Variants in CSMD2 observed in about 807,000 individuals in gnomAD.
CSMD2 encodes the protein CUB and sushi domain-containing protein 2.
In CSMD2, 130 loss-of-function variants were observed where a neutral mutation model predicts 398.5. That is an observed-to-expected ratio of 0.33 (90% CI 0.28 to 0.38). The LOEUF (loss-of-function observed/expected upper bound fraction) is 0.38, where lower values mean the gene tolerates loss of function less well. Among genes scored for constraint, CSMD2 ranks in the 10% least tolerant of loss-of-function variants. The pLI is 1.00. For missense variants in CSMD2, 3,829 were observed against 4,764.9 expected (o/e 0.80, Z 5.78); for synonymous variants, 1,828 against 1,908.5 (o/e 0.96, Z 1.10).
At chr1:33,958,423 A>G (rs184835749) in intron 3 of CSMD2, among the ~76,000 whole-genome samples, 169 of 152,194 alleles carry the variant, frequency 1.1e-3, no homozygotes, top group African/African-American at 3.7e-3. Context: ...TGTGAATAGG[A>G]CCCGTAGAGA....
chr1:33,548,018 T>A (rs1288118516), intron 56 of CSMD2, among the ~76,000 whole-genome samples: 1 of 152,164 alleles, frequency 6.6e-6, no homozygotes, highest in African/African-American at 2.4e-5. Flanking sequence ...TCTCATGAGA[T>A]CTGGTTGTTT....
At chr1:33,827,342 T>C (rs1163587207) in intron 6 of CSMD2, among the ~76,000 whole-genome samples, 1 of 152,238 alleles carries the variant, frequency 6.6e-6, no homozygotes, top group Non-Finnish European at 1.5e-5. Context: ...TCGATTGCTC[T>C]TCTCCAGCCT....
intron 41 of CSMD2, among the ~76,000 whole-genome samples, chr1:33,608,603 A>C (rs1640787187): frequency 6.6e-6 from 1 of 152,238 alleles, no homozygotes; most frequent in Non-Finnish European, 1.5e-5. Flanking sequence ...GCTCTGATCC[A>C]ATATGACTGG....
intron 3 of CSMD2, among the ~76,000 whole-genome samples, chr1:33,991,378 C>A (rs2147997468): frequency 6.6e-6 from 1 of 152,290 alleles, no homozygotes; most frequent in Admixed American, 6.5e-5. Flanking sequence ...GTCCTTGAAT[C>A]TTTAGGGTTC....
At chr1:33,752,065 T>C (rs1372679770) in intron 13 of CSMD2, among the ~76,000 whole-genome samples, 1 of 152,218 alleles carries the variant, frequency 6.6e-6, no homozygotes, top group Non-Finnish European at 1.5e-5. Context: ...ATAAGATTCA[T>C]GAAAAGGTGA....
In CSMD2 at chr1:33,519,560, G is replaced by T. The variant is rs377399157; in HGVS notation, c.10854C>A (p.Ser3618Arg). The change falls in exon 70 of 71, where the codon AGC (serine) becomes AGA (arginine). Residue 3618 changes from serine (S) to arginine (R), a missense_variant. Physicochemically the swap from Ser to Arg is moderately radical, Grantham distance 110. Coordinates refer to ENST00000373381, the MANE Select transcript of CSMD2 (RefSeq NM_001281956.2). The surrounding 1 kb of genome is among the most constrained non-coding windows in gnomAD (Gnocchi z 5.6). ...RNIQPTDIMA[S>R]EAEFTVSTVC... Reference sequence around the variant, plus strand: ...CTGTGCTGACTGTGAACTCCGCCTCGCTGGCCATGATGTCTGTGGGCTGGA... The same window carrying T: ...CTGTGCTGACTGTGAACTCCGCCTCTCTGGCCATGATGTCTGTGGGCTGGA... 6.2e-7 allele frequency: 1 copy of T among 1,614,070 alleles called. No homozygotes were observed. The highest frequency in any genetic ancestry group is 1.1e-5 in the South Asian group (1 of 91,062).
At chr1:33,621,377 C>T (rs1641758404) in intron 37 of CSMD2, among the ~76,000 whole-genome samples, 1 of 152,200 alleles carries the variant, frequency 6.6e-6, no homozygotes, top group Admixed American at 6.5e-5. Context: ...CCATCTAGAG[C>T]CATCCATGAG....
At chr1:33,626,423 C>G in intron 33 of CSMD2, 63 bp downstream of exon 33, 2 of 1,204,480 alleles carry the variant, frequency 1.7e-6, no homozygotes, top group South Asian at 3.0e-5. Context: ...CCTGTCCCTT[C>G]GATCACGAGT....
In CSMD2 at chr1:33,803,099, G is replaced by A. The variant is rs533043004; in HGVS notation, c.1446+7644C>T. Among the ~76,000 whole-genome samples, 7 of 152,162 alleles carry A rather than the reference G, an allele frequency of 4.6e-5. No homozygotes were observed. In the East Asian group the frequency reaches 7.7e-4, roughly 17 times the overall value. On this transcript the variant is annotated intron_variant, in intron 10 of 70. Coordinates refer to ENST00000373381, the MANE Select transcript of CSMD2 (RefSeq NM_001281956.2). ...CTTTTCCAGCAAGACATTTGTCATCGTTGCCATGATCAGACATGCCCTAGT... is the reference window on the plus strand; with the variant it reads ...CTTTTCCAGCAAGACATTTGTCATCATTGCCATGATCAGACATGCCCTAGT...
chr1:33,615,097 A>G (rs1011798562), intron 39 of CSMD2, among the ~76,000 whole-genome samples: 13 of 152,150 alleles, frequency 8.5e-5, no homozygotes, highest in African/African-American at 3.1e-4. Context: ...TCTCAAATAT[A>G]TATTTCAGGG....
chr1:33,573,601 A>C (rs1374324616), intron 49 of CSMD2, among the ~76,000 whole-genome samples: 2 of 152,216 alleles, frequency 1.3e-5, no homozygotes, highest in Admixed American at 1.3e-4. Context: ...AGAGATGAAA[A>C]GTAAATTTCT....
intron 5 of CSMD2, among the ~76,000 whole-genome samples, chr1:33,847,231 C>T (rs1017322244): frequency 2.6e-5 from 4 of 152,020 alleles, no homozygotes; most frequent in Non-Finnish European, 4.4e-5. Context: ...TGGGAGGAGG[C>T]AACTGATCCT....
intron 5 of CSMD2, among the ~76,000 whole-genome samples, chr1:33,858,725 T>C (rs1016868373): frequency 5.3e-5 from 8 of 152,206 alleles, no homozygotes; most frequent in African/African-American, 1.2e-4. Context: ...GATGATTCCC[T>C]GGACTACCAC....
At chr1:33,774,911 T>C (rs2149334921) in intron 12 of CSMD2, among the ~76,000 whole-genome samples, 1 of 152,312 alleles carries the variant, frequency 6.6e-6, no homozygotes, top group South Asian at 2.1e-4. Context: ...ACCTACTATG[T>C]GCCAGTTGCT....
intron 64 of CSMD2, among the ~76,000 whole-genome samples, chr1:33,531,284 C>A (rs929895657): frequency 1.1e-4 from 16 of 151,886 alleles, no homozygotes; most frequent in African/African-American, 3.9e-4. Flanking sequence ...TAAAAAACAC[C>A]ACAATGAGAT....
intron 42 of CSMD2, among the ~76,000 whole-genome samples, chr1:33,604,684 G>C (rs1263106910): frequency 6.6e-6 from 1 of 152,218 alleles, no homozygotes; most frequent in Admixed American, 6.5e-5. Context: ...ACTGAAGTGT[G>C]CAGATGAGGG....
chr1:33,794,258 C>T (rs766521484), intron 10 of CSMD2, among the ~76,000 whole-genome samples: 1 of 152,172 alleles, frequency 6.6e-6, no homozygotes, highest in Non-Finnish European at 1.5e-5. Context: ...TCTGCAGTGG[C>T]CTGAGAGTCA....
At chr1:34,026,421 A>G (rs1649650046) in intron 3 of CSMD2, among the ~76,000 whole-genome samples, 1 of 152,234 alleles carries the variant, frequency 6.6e-6, no homozygotes, top group Non-Finnish European at 1.5e-5. Flanking sequence ...GGAAGCCTAT[A>G]GTTTGATAGT....
chr1:33,568,189 C>CTTT (rs370507143), intron 52 of CSMD2, among the ~76,000 whole-genome samples: 30,515 of 141,104 alleles, frequency 0.22, 3,411 homozygotes, highest in South Asian at 0.28. Context: ...TCAGGAGCAT[C>CTTT]TTTTTTTTTT....
Sources: allele counts gnomAD v4.1 joint callset (sites outside exome capture counted in the v4.1 genomes callset), GRCh38; gene constraint gnomAD v4.1.1; non-coding constraint Gnocchi (gnomAD v3.1); transcripts MANE v1.5; gene names NCBI Gene and HGNC (gene_info 2026-07-23, HGNC 2026-07-21).